Variants in LRRC75A observed in about 807,000 individuals in gnomAD.
The protein encoded by LRRC75A is leucine rich repeat containing 75A.
LRRC75A carries 12 observed loss-of-function variants against 26.0 expected under a neutral mutation model. The observed-to-expected ratio is 0.46, with a 90% CI of 0.30 to 0.75. The LOEUF (loss-of-function observed/expected upper bound fraction) is 0.75, where lower values mean the gene tolerates loss of function less well. Among genes scored for constraint, LRRC75A ranks in the 30% least tolerant of loss-of-function variants. LRRC75A has a pLI of 0.08. For missense variants in LRRC75A, 410 were observed against 486.6 expected (o/e 0.84, Z 1.48); for synonymous variants, 223 against 219.3 (o/e 1.02, Z -0.15).
intron 3 of LRRC75A, among the ~76,000 whole-genome samples, chr17:16,447,312 GA>G (rs1349923988): frequency 2.1e-5 from 3 of 140,640 alleles, no homozygotes; most frequent in Admixed American, 1.4e-4. Context: ...GGACATCTGA[GA>G]TAACTGAGGA....
In LRRC75A at chr17:16,456,175, G is replaced by A. The variant is rs544137080; in HGVS notation, c.375+6083C>T. ...GAGAGGAGGAGGAAGAGGAGGGGTA[G>A]GAGGAGGAAGAGGAGGAAGGAGGAG... On this transcript the variant is annotated intron_variant, in intron 2 of 3. Coordinates refer to ENST00000470794, the MANE Select transcript of LRRC75A (RefSeq NM_001113567.3). Among the ~76,000 whole-genome samples the A allele has an allele frequency of 4.9e-3, 568 of 116,572 alleles. 20 individuals carry two copies. Among genetic ancestry groups the A allele is most frequent in the African/African-American group, 0.019 (526 of 28,078 alleles). 76.5% of individuals were successfully genotyped at this position (116,572 alleles called of 152,430 possible). A position where few individuals can be genotyped will look rare whatever the true frequency, so the allele number is the denominator to read the frequency against.
intron 2 of LRRC75A, among the ~76,000 whole-genome samples, chr17:16,454,929 T>A (rs1472970867): frequency 6.7e-6 from 1 of 150,064 alleles, no homozygotes; most frequent in Admixed American, 6.6e-5. Flanking sequence ...TTTCTTTTCT[T>A]TTCTTTTTTT....
intron 1 of LRRC75A, among the ~76,000 whole-genome samples, chr17:16,488,045 A>G (rs1318869281): frequency 6.6e-6 from 1 of 152,236 alleles, no homozygotes; most frequent in African/African-American, 2.4e-5. Flanking sequence ...ACGCAGGCCG[A>G]CAGCTCAGTC....
Position 16,491,752 on chromosome 17 carries a change from A to G in LRRC75A, c.239T>C (p.Leu80Pro). ...REEAGTLLQHLRQDLGMESTS... is the reference protein window; with the variant it reads ...REEAGTLLQHPRQDLGMESTS... ...CCCCCTCCCCGCGCTCACCTGGCGC[A>G]GGTGCTGCAGCAGCGTCCCCGCCTC... Residue 80 changes from leucine to proline, a missense_variant, in exon 1 of 4, where the codon CTG (leucine) becomes CCG (proline). Leu to Pro is a moderately conservative substitution (Grantham distance 98). Transcript: ENST00000470794. The surrounding 1 kb of genome is among the most constrained non-coding windows in gnomAD (Gnocchi z 5.9). 7.2e-7 allele frequency: 1 copy of G among 1,385,134 alleles called. No homozygotes were observed. Among genetic ancestry groups the G allele is most frequent in the Non-Finnish European group, 9.4e-7 (1 of 1,068,190 alleles). The allele number at this position is 1,385,134 out of a possible 1,614,324, so 85.8% of individuals were successfully genotyped here.
In LRRC75A at chr17:16,462,720, C is replaced by A; in HGVS notation, c.247-334G>T. 1 of 289,434 alleles carries A rather than the reference C, an allele frequency of 3.5e-6. No homozygotes were observed. 17.9% of individuals were successfully genotyped at this position (289,434 alleles called of 1,614,324 possible). A position where few individuals can be genotyped will look rare whatever the true frequency, so the allele number is the denominator to read the frequency against. Reference sequence around the variant, plus strand: ...TGGCCTGCCTCGGTGCAAGCAGCTGCTTCTCTATGGTGGCAAAATTTGGAA... The same window carrying A: ...TGGCCTGCCTCGGTGCAAGCAGCTGATTCTCTATGGTGGCAAAATTTGGAA... On this transcript the variant is annotated intron_variant, in intron 1 of 3. Transcript: ENST00000470794. This position sits in a 1 kb window ranked among gnomAD's most constrained non-coding sequence, Gnocchi z 4.6.
At chr17:16,476,879 C>T (rs887088841) in intron 1 of LRRC75A, among the ~76,000 whole-genome samples, 38 of 151,884 alleles carry the variant, frequency 2.5e-4, no homozygotes, top group African/African-American at 8.7e-4. Flanking sequence ...GCTGGGACCA[C>T]AGGCGCCCAC....
chr17:16,484,330 G>A (rs374068443), intron 1 of LRRC75A, among the ~76,000 whole-genome samples: 33 of 151,586 alleles, frequency 2.2e-4, no homozygotes, highest in African/African-American at 2.9e-4. Flanking sequence ...GCGAGACTCC[G>A]TCTCAAAAAC....
chr17:16,485,669 T>TGTGTGTGTGTGTGTG (rs1555893680), intron 1 of LRRC75A, among the ~76,000 whole-genome samples: 46 of 114,290 alleles, frequency 4.0e-4, no homozygotes, highest in African/African-American at 6.9e-4. Context: ...TGTGTGTGTG[T>TGTGTGTGTGTGTGTG]TCGTGTGTGT....
chr17:16,471,348 C>T (rs530018509), intron 1 of LRRC75A, among the ~76,000 whole-genome samples: 83 of 152,344 alleles, frequency 5.4e-4, no homozygotes, highest in Non-Finnish European at 8.8e-4. Context: ...GAATATGTTT[C>T]GGTTGGTCCA....
At position 16,444,152 on chromosome 17, in the gene LRRC75A, C is replaced by T. The variant is rs779820697; in HGVS notation, c.492-21G>A. ...TGAGGCTGAAGGGAAAAAGGACAAA[C>T]AAGGCTCAGGCACATAGGGCAGGCC... is the stretch of plus-strand genomic sequence containing the variant. On this transcript the variant is annotated intron_variant, in intron 3 of 3. Coordinates refer to ENST00000470794, the MANE Select transcript of LRRC75A (RefSeq NM_001113567.3). 5.1e-6 allele frequency: 8 copies of T among 1,563,046 alleles called. No homozygotes were observed. The South Asian group carries it at 9.4e-5, about 18-fold the overall frequency.
chr17:16,475,328 A>G (rs1387865219), intron 1 of LRRC75A, among the ~76,000 whole-genome samples: 1 of 152,078 alleles, frequency 6.6e-6, no homozygotes, highest in African/African-American at 2.4e-5. Flanking sequence ...GTGTGGAGAG[A>G]GAGGAAGGAA....
chr17:16,466,394 G>T (rs1312578148), intron 1 of LRRC75A, among the ~76,000 whole-genome samples: 1 of 152,276 alleles, frequency 6.6e-6, no homozygotes, highest in Non-Finnish European at 1.5e-5. Flanking sequence ...TGCAAGGGAA[G>T]TGGAAGAATC....
At chr17:16,446,665 G>C (rs191684819) in intron 3 of LRRC75A, among the ~76,000 whole-genome samples, 3 of 152,170 alleles carry the variant, frequency 2.0e-5, no homozygotes, top group African/African-American at 7.2e-5. Context: ...CATGGCTTCC[G>C]AATGAAGAAT....
chr17:16,462,532 G>T lies in LRRC75A; in HGVS notation c.247-146C>A. 1 of 1,044,298 alleles carries T rather than the reference G, an allele frequency of 9.6e-7. No homozygotes were observed. The highest frequency in any genetic ancestry group is 1.4e-6 in the Non-Finnish European group (1 of 731,770). The allele number at this position is 1,044,298 out of a possible 1,614,324, so 64.7% of individuals were successfully genotyped here. On this transcript the variant is annotated intron_variant, in intron 1 of 3. Transcript: ENST00000470794. This position sits in a 1 kb window ranked among gnomAD's most constrained non-coding sequence, Gnocchi z 4.6. Reference sequence around the variant, plus strand: ...GAGCATCTGCAGAACTTCCCTCAGGGGCTGGGGCAGGCCTCTCCTGTTTGT... The same window carrying T: ...GAGCATCTGCAGAACTTCCCTCAGGTGCTGGGGCAGGCCTCTCCTGTTTGT...
intron 2 of LRRC75A, among the ~76,000 whole-genome samples, chr17:16,457,807 A>T (rs550646407): frequency 0.094 from 766 of 8,158 alleles, 5 homozygotes; most frequent in African/African-American, 0.29. Flanking sequence ...TCTCTACAAG[A>T]AAAAAAAAAA....
At chr17:16,490,283 C>T (rs1396574988) in intron 1 of LRRC75A, among the ~76,000 whole-genome samples, 2 of 152,154 alleles carry the variant, frequency 1.3e-5, no homozygotes, top group Admixed American at 6.5e-5. Flanking sequence ...AAATAGGATA[C>T]CATGGTCTGG....
chr17:16,485,631 A>AGTGTGTGTGTGTGTGTGTGTGTGTGTGT (rs35125617), intron 1 of LRRC75A, among the ~76,000 whole-genome samples: 11 of 128,476 alleles, frequency 8.6e-5, no homozygotes, highest in African/African-American at 2.5e-4. Context: ...CAGGACAAGC[A>AGTGTGTGTGTGTGTGTGTGTGTGTGTGT]GTGTGTGTGT....
At chr17:16,460,065 G>A (rs2093715920) in intron 2 of LRRC75A, among the ~76,000 whole-genome samples, 1 of 152,150 alleles carries the variant, frequency 6.6e-6, no homozygotes, top group South Asian at 2.1e-4. Context: ...CCTTTGGGAG[G>A]TGATTAGGCC....
At chr17:16,474,032 C>T (rs1183427856) in intron 1 of LRRC75A, among the ~76,000 whole-genome samples, 12 of 152,204 alleles carry the variant, frequency 7.9e-5, no homozygotes, top group African/African-American at 4.8e-5. Context: ...ATCCGAGAAA[C>T]GGCTTTAGCA....
Sources: gnomAD v4.1 joint callset for allele counts (sites outside exome capture counted in the v4.1 genomes callset) on GRCh38, gnomAD v4.1.1 for gene constraint, Gnocchi (gnomAD v3.1) non-coding constraint, MANE v1.5 for transcripts, NCBI Gene and HGNC (gene_info 2026-07-23, HGNC 2026-07-21) for gene names.